The following ARL15 variants were observed in gnomAD, a reference collection of about 807,000 sequenced individuals.
The protein encoded by ARL15 is ADP-ribosylation factor-like protein 15.
ARL15 carries 19 observed loss-of-function variants against 25.2 expected under a neutral mutation model. That is an observed-to-expected ratio of 0.75 (90% CI 0.53 to 1.10). The LOEUF (loss-of-function observed/expected upper bound fraction) is 1.10. Ranked by LOEUF, ARL15 falls within the 50% of genes least tolerant of loss-of-function variation. The pLI is 0.00. For synonymous variants in ARL15, 94 were observed against 86.8 expected, an observed-to-expected ratio of 1.08 and a Z score of -0.46; for missense variants, 220 against 246.0, an observed-to-expected ratio of 0.89 and a Z score of 0.71.
At chr5:54,173,903 C>A (rs1561252873) in intron 1 of ARL15, among the ~76,000 whole-genome samples, 2 of 152,068 alleles carry the variant, frequency 1.3e-5, no homozygotes, top group East Asian at 3.9e-4. Context: ...ACTGAGGCAT[C>A]TAATATGCTG....
At chr5:53,971,883 T>C (rs1268376435) in intron 4 of ARL15, among the ~76,000 whole-genome samples, 3 of 152,220 alleles carry the variant, frequency 2.0e-5, no homozygotes, top group South Asian at 2.1e-4. Context: ...TTCTCAACAA[T>C]TGCAATGTTC....
chr5:54,029,333 T>TACCACCACCACCACCACCACCACTACC (rs1749893897), intron 4 of ARL15, among the ~76,000 whole-genome samples: 3 of 94,686 alleles, frequency 3.2e-5, no homozygotes, highest in African/African-American at 1.3e-4. Flanking sequence ...CCACCACCAC[T>TACCACCACCACCACCACCACCACTACC]ACCACCACCA....
intron 4 of ARL15, among the ~76,000 whole-genome samples, chr5:54,089,509 A>G (rs559596449): frequency 1.1e-3 from 162 of 152,322 alleles, no homozygotes; most frequent in African/African-American, 3.7e-3. Context: ...ACAATAGAAA[A>G]GGATATCTTT....
intron 4 of ARL15, among the ~76,000 whole-genome samples, chr5:54,016,306 G>C (rs987907982): frequency 6.6e-6 from 1 of 152,138 alleles, no homozygotes; most frequent in Non-Finnish European, 1.5e-5. Context: ...AAATCCCTGT[G>C]AAAGAGATGG....
Position 54,175,063 on chromosome 5 carries a change from C to A in ARL15, c.49-3135G>T, listed in dbSNP as rs78646431. 4.3e-4 allele frequency among the ~76,000 whole-genome samples: 65 copies of A among 152,314 alleles called. No homozygotes were observed. In the East Asian group the frequency reaches 5.8e-3, roughly 14 times the overall value. ...CTACCCTGGCCCAAACTATCATAAACCTTAAATATCAAATGAAACTGTATG... is the reference window on the plus strand; with the variant it reads ...CTACCCTGGCCCAAACTATCATAAAACTTAAATATCAAATGAAACTGTATG... On this transcript the variant is annotated intron_variant, in intron 1 of 4. Coordinates refer to ENST00000504924, the MANE Select transcript of ARL15 (RefSeq NM_019087.3).
At chr5:54,043,846 TAAAAA>T (rs34949977) in intron 4 of ARL15, among the ~76,000 whole-genome samples, 1 of 143,054 alleles carries the variant, frequency 7.0e-6, no homozygotes, top group Non-Finnish European at 1.5e-5. Flanking sequence ...CCCCATCTCT[TAAAAA>T]AAAAAAAAAA....
In ARL15 at chr5:54,261,700, A is replaced by C. The variant is rs145756154; in HGVS notation, c.48+48732T>G. On this transcript the variant is annotated intron_variant, in intron 1 of 4. Transcript: ENST00000504924. ...AGAAAATTGAGGCTCAGGACAGATAAGTGAATGCTTCCATACTTACCTGTT... is the reference window on the plus strand; with the variant it reads ...AGAAAATTGAGGCTCAGGACAGATACGTGAATGCTTCCATACTTACCTGTT... Among the ~76,000 whole-genome samples, 965 of 152,220 alleles carry C rather than the reference A, an allele frequency of 6.3e-3. 7 individuals are homozygous for C. The highest frequency in any genetic ancestry group is 0.022 in the African/African-American group (923 of 41,522).
chr5:54,023,994 C>T (rs577541131), intron 4 of ARL15, among the ~76,000 whole-genome samples: 22 of 152,328 alleles, frequency 1.4e-4, no homozygotes, highest in African/African-American at 5.1e-4. Context: ...CCCCATCACC[C>T]TTTCCCCTGA....
intron 4 of ARL15, among the ~76,000 whole-genome samples, chr5:53,992,999 T>C (rs1466355940): frequency 6.6e-6 from 1 of 151,100 alleles, no homozygotes; most frequent in East Asian, 2.0e-4. Context: ...TGAGCCAAGA[T>C]GGCGCCATTG....
intron 4 of ARL15, among the ~76,000 whole-genome samples, chr5:53,902,025 T>C (rs1408943860): frequency 6.6e-6 from 1 of 152,138 alleles, no homozygotes; most frequent in African/African-American, 2.4e-5. Context: ...TGCCTCAGAG[T>C]GAACATCAAA....
rs141979607 is a variant in ARL15, at chr5:54,125,798, T to C, written c.254-12388A>G. ...GAATTGTTACACAGCAATAGATAAT[T>C]AATGCAAAGTTTAAAATAAATTTGC... On this transcript the variant is annotated intron_variant, in intron 3 of 4. Coordinates refer to ENST00000504924, the MANE Select transcript of ARL15 (RefSeq NM_019087.3). Among the ~76,000 whole-genome samples, 421 of 152,316 alleles carry C rather than the reference T, an allele frequency of 2.8e-3. 1 individual carries two copies. The highest frequency in any genetic ancestry group is 9.7e-3 in the African/African-American group (402 of 41,576).
chr5:54,037,853 A>C (rs1183855689), intron 4 of ARL15, among the ~76,000 whole-genome samples: 1 of 152,114 alleles, frequency 6.6e-6, no homozygotes, highest in Admixed American at 6.5e-5. Context: ...CCTATCATTT[A>C]TTTCCACTGT....
intron 4 of ARL15, among the ~76,000 whole-genome samples, chr5:53,981,520 A>G (rs1297604132): frequency 1.3e-5 from 2 of 152,228 alleles, no homozygotes; most frequent in Middle Eastern, 3.2e-3. Context: ...TTTCAGTACA[A>G]TTCTCATAAA....
intron 4 of ARL15, among the ~76,000 whole-genome samples, chr5:53,938,362 C>G (rs1006836456): frequency 6.6e-6 from 1 of 152,048 alleles, no homozygotes; most frequent in East Asian, 1.9e-4. Context: ...ACTTCCCTAC[C>G]ACATGTCTGG....
chr5:54,050,605 G>A (rs1028256598), intron 4 of ARL15, among the ~76,000 whole-genome samples: 1 of 152,172 alleles, frequency 6.6e-6, no homozygotes, highest in Admixed American at 6.6e-5. Flanking sequence ...GGGATATTAT[G>A]TGCGTGTGTC....
At chr5:53,893,094 C>T (rs907365882) in intron 4 of ARL15, among the ~76,000 whole-genome samples, 2 of 152,006 alleles carry the variant, frequency 1.3e-5, no homozygotes, top group African/African-American at 4.8e-5. Flanking sequence ...ATTGTGTGAA[C>T]GTGTCACATT....
chr5:54,154,924 C>T (rs1354778483), intron 2 of ARL15, among the ~76,000 whole-genome samples: 1 of 152,084 alleles, frequency 6.6e-6, no homozygotes, highest in African/African-American at 2.4e-5. Flanking sequence ...AGATCAAGAC[C>T]ATCCTGGGCA....
chr5:53,963,409 A>T (rs1335229269), intron 4 of ARL15, among the ~76,000 whole-genome samples: 1 of 152,226 alleles, frequency 6.6e-6, no homozygotes, highest in Admixed American at 6.5e-5. Flanking sequence ...GGGTCTTCTG[A>T]CATGAAAGGC....
chr5:54,205,505 C>T (rs1755844571), intron 1 of ARL15, among the ~76,000 whole-genome samples: 1 of 152,172 alleles, frequency 6.6e-6, no homozygotes, highest in Non-Finnish European at 1.5e-5. Flanking sequence ...AGAATCATTG[C>T]CTCTCCTTAC....
Sources: allele counts gnomAD v4.1 joint callset (sites outside exome capture counted in the v4.1 genomes callset), GRCh38; gene constraint gnomAD v4.1.1; transcripts MANE v1.5; gene names NCBI Gene and HGNC (gene_info 2026-07-23, HGNC 2026-07-21).